Variants in PLCL2 observed in about 807,000 individuals in gnomAD.
PLCL2 encodes phospholipase C like 2, also known as inactive phospholipase C-like protein 2.
A neutral mutation model predicts 79.6 loss-of-function variants in PLCL2; 4 were observed. The ratio of observed to expected loss-of-function variants is 0.05; its 90% CI spans 0.02 to 0.11. The LOEUF (loss-of-function observed/expected upper bound fraction) is 0.11, where lower values mean the gene tolerates loss of function less well. Among genes scored for constraint, PLCL2 ranks in the 10% least tolerant of loss-of-function variants. The pLI, the probability that PLCL2 is intolerant of heterozygous loss-of-function variation, is 1.00. For synonymous variants in PLCL2, 484 were observed against 457.7 expected (o/e 1.06, Z -0.73); for missense variants, 895 against 1,291.0 (o/e 0.69, Z 4.70).
intron 3 of PLCL2, among the ~76,000 whole-genome samples, chr3:17,024,381 A>T (rs770891990): frequency 1.1e-4 from 16 of 152,194 alleles, no homozygotes; most frequent in South Asian, 2.1e-4. Flanking sequence ...CTAGCAATTG[A>T]ATCTTTCCAG....
intron 3 of PLCL2, among the ~76,000 whole-genome samples, chr3:17,022,242 A>C (rs1444387172): frequency 6.6e-6 from 1 of 152,236 alleles, no homozygotes; most frequent in Admixed American, 6.5e-5. Flanking sequence ...ACGCAAAAGA[A>C]TACTACTACA....
intron 1 of PLCL2, among the ~76,000 whole-genome samples, chr3:16,953,407 T>G (rs2063670829): frequency 6.6e-6 from 1 of 152,156 alleles, no homozygotes; most frequent in Non-Finnish European, 1.5e-5. Flanking sequence ...AGGTAGAAGA[T>G]TATATCACTG....
intron 5 of PLCL2, among the ~76,000 whole-genome samples, chr3:17,082,356 T>G (rs562278793): frequency 6.6e-6 from 1 of 151,884 alleles, no homozygotes; most frequent in Non-Finnish European, 1.5e-5. Flanking sequence ...CACCGTGTAC[T>G]CCTGACCTGA....
chr3:16,995,302 C>T (rs911220290), intron 1 of PLCL2, among the ~76,000 whole-genome samples: 5 of 152,222 alleles, frequency 3.3e-5, no homozygotes, highest in African/African-American at 1.2e-4. Flanking sequence ...GAGACTTCTT[C>T]CGTTTGTTGA....
intron 1 of PLCL2, chr3:16,933,239 G>A (rs906866849): frequency 5.2e-5 from 8 of 154,834 alleles, no homozygotes; most frequent in African/African-American, 1.9e-4. Flanking sequence ...TCACCGGGCA[G>A]GGAAGACACC....
chr3:17,010,310 G>A lies in PLCL2; in HGVS notation c.964G>A (p.Ala322Thr), dbSNP rs906979876. ...AGAATTGCATAAATCAAAGGACAAA[G>A]CTGGTACCGAGGTCACAAAGGAAGA... ...FKELHKSKDK[A>T]GTEVTKEEFI... is the part of the protein sequence containing the mutation. The change falls in exon 2 of 6, where the codon GCT becomes ACT. Residue 322 changes from alanine (A) to threonine (T), a missense_variant. Coordinates refer to ENST00000615277, the MANE Select transcript of PLCL2 (RefSeq NM_001144382.2). The surrounding 1 kb of genome is among the most constrained non-coding windows in gnomAD (Gnocchi z 5.8). The A allele has an allele frequency of 6.2e-7, 1 of 1,614,106 alleles. No individual in the cohort carries two copies. Among genetic ancestry groups the A allele is most frequent in the East Asian group, 2.2e-5 (1 of 44,860 alleles).
chr3:17,035,302 T>C (rs1470920596), intron 3 of PLCL2, among the ~76,000 whole-genome samples: 1 of 152,170 alleles, frequency 6.6e-6, no homozygotes, highest in African/African-American at 2.4e-5. Context: ...GTGTGTAACA[T>C]GTTTACTTGT....
At chr3:16,919,182 C>G (rs1455275577) in intron 1 of PLCL2, among the ~76,000 whole-genome samples, 1 of 152,098 alleles carries the variant, frequency 6.6e-6, no homozygotes, top group Non-Finnish European at 1.5e-5. Context: ...AGTTGAATTT[C>G]TGAAACTTGT....
At position 17,007,324 on chromosome 3, in the gene PLCL2, T is replaced by C. The variant is rs376154470; in HGVS notation, c.328-2350T>C. ...AAACTAAAGACGTCATTCTGAAAAA[T>C]AGAAAATTATACATTTGTTTCATGT... On this transcript the variant is annotated intron_variant, in intron 1 of 5. Coordinates refer to ENST00000615277, the MANE Select transcript of PLCL2 (RefSeq NM_001144382.2). Among the ~76,000 whole-genome samples, 7 of 152,216 alleles carry C rather than the reference T, an allele frequency of 4.6e-5. No homozygotes were observed. The East Asian group carries it at 9.6e-4, about 21-fold the overall frequency.
At chr3:17,018,109 C>G (rs75848684) in intron 3 of PLCL2, among the ~76,000 whole-genome samples, 4,332 of 152,128 alleles carry the variant, frequency 0.028, 229 homozygotes, top group African/African-American at 0.1. Context: ...TTAGTAGGAA[C>G]TGGACTGGGA....
chr3:16,977,368 C>G (rs958020712), intron 1 of PLCL2, among the ~76,000 whole-genome samples: 1 of 152,154 alleles, frequency 6.6e-6, no homozygotes, highest in African/African-American at 2.4e-5. Flanking sequence ...AGCCTGAACT[C>G]AGACCACACC....
chr3:17,089,924 A>G lies in PLCL2; in HGVS notation c.*12A>G, dbSNP rs775915713. On this transcript the variant is annotated 3_prime_UTR_variant, in exon 6 of 6. Coordinates refer to ENST00000615277, the MANE Select transcript of PLCL2 (RefSeq NM_001144382.2). ...AAACTGGAGAATGAGGAAACTTACA[A>G]TAAACCATTATGGAGTTTATAACTC... 32 of 1,610,642 alleles carry G rather than the reference A, an allele frequency of 2.0e-5. No individual in the cohort carries two copies. Among genetic ancestry groups the G allele is most frequent in the Admixed American group, 1.7e-5 (1 of 59,288 alleles).
At chr3:17,087,325 C>T (rs2065230948) in intron 5 of PLCL2, among the ~76,000 whole-genome samples, 1 of 152,112 alleles carries the variant, frequency 6.6e-6, no homozygotes, top group Non-Finnish European at 1.5e-5. Flanking sequence ...TTATTCAGCA[C>T]TAAAAAGATA....
intron 1 of PLCL2, among the ~76,000 whole-genome samples, chr3:16,997,256 T>C (rs1313544678): frequency 2.0e-5 from 3 of 152,222 alleles, no homozygotes; most frequent in Non-Finnish European, 4.4e-5. Context: ...GTTTACCTTC[T>C]ACTTGAGGAG....
At chr3:17,069,850 T>A (rs183165366) in intron 5 of PLCL2, among the ~76,000 whole-genome samples, 1 of 152,364 alleles carries the variant, frequency 6.6e-6, no homozygotes, top group East Asian at 1.9e-4. Flanking sequence ...TTTTCTTATA[T>A]ACCTATTTTG....
At chr3:17,059,650 A>G (rs2064928460) in intron 4 of PLCL2, among the ~76,000 whole-genome samples, 1 of 152,132 alleles carries the variant, frequency 6.6e-6, no homozygotes, top group Non-Finnish European at 1.5e-5. Context: ...CATTTGCTTT[A>G]AAGAGGCAGG....
At chr3:16,998,758 T>G (rs185268308) in intron 1 of PLCL2, among the ~76,000 whole-genome samples, 2 of 152,364 alleles carry the variant, frequency 1.3e-5, no homozygotes, top group African/African-American at 2.4e-5. Flanking sequence ...AAAGCAGTAT[T>G]GTATGTCATT....
At chr3:16,885,907 ATAGAG>A (rs1414150473) in intron 1 of PLCL2, among the ~76,000 whole-genome samples, 2 of 152,200 alleles carry the variant, frequency 1.3e-5, no homozygotes, top group Non-Finnish European at 2.9e-5. Context: ...ACAAAGAAAA[ATAGAG>A]TAGATTTCTG....
At chr3:16,931,631 T>C (rs1341889698) in intron 1 of PLCL2, among the ~76,000 whole-genome samples, 1 of 152,142 alleles carries the variant, frequency 6.6e-6, no homozygotes, top group Non-Finnish European at 1.5e-5. Context: ...GGTCTTAGAG[T>C]CTGAGGGTCC....
Sources: gnomAD v4.1 joint callset for allele counts (sites outside exome capture counted in the v4.1 genomes callset) on GRCh38, gnomAD v4.1.1 for gene constraint, Gnocchi (gnomAD v3.1) non-coding constraint, MANE v1.5 for transcripts, NCBI Gene and HGNC (gene_info 2026-07-23, HGNC 2026-07-21) for gene names.